The following MAPK8 variants were observed in gnomAD, a reference collection of about 807,000 sequenced individuals.
MAPK8 encodes mitogen-activated protein kinase 8, also known as JUN N-terminal kinase.
In MAPK8, 13 loss-of-function variants were observed where a neutral mutation model predicts 52.9. The ratio of observed to expected loss-of-function variants is 0.25; its 90% CI spans 0.16 to 0.39. The LOEUF (loss-of-function observed/expected upper bound fraction) is 0.39. Ranked by LOEUF, MAPK8 falls within the 10% of genes least tolerant of loss-of-function variation. MAPK8 has a pLI of 1.00. For synonymous variants in MAPK8, 191 were observed against 169.8 expected (o/e 1.12, Z -0.97); for missense variants, 300 against 519.2 (o/e 0.58, Z 4.10).
At chr10:48,355,091 A>ATGTT (rs911286198) in intron 1 of MAPK8, among the ~76,000 whole-genome samples, 1 of 152,266 alleles carries the variant, frequency 6.6e-6, no homozygotes, top group African/African-American at 2.4e-5. Context: ...AGTGTTTCAT[A>ATGTT]TGTTTCAACA....
rs571143403 is a variant in MAPK8, at chr10:48,351,459, C to T, written c.-50+44638C>T. Among the ~76,000 whole-genome samples the T allele has an allele frequency of 5.3e-5, 8 of 151,986 alleles. No individual in the cohort carries two copies. The South Asian group carries it at 8.3e-4, about 16-fold the overall frequency. On this transcript the variant is annotated intron_variant, in intron 1 of 11. Coordinates refer to ENST00000374189, the MANE Select transcript of MAPK8 (RefSeq NM_001323329.2). ...CTGCTGGGCTAAGCGATCCTCCTGC[C>T]TTAGCCTCCCAAAGTGTTGGGATTG...
At chr10:48,380,529 C>T (rs931380282) in intron 1 of MAPK8, among the ~76,000 whole-genome samples, 9 of 150,376 alleles carry the variant, frequency 6.0e-5, no homozygotes, top group African/African-American at 2.2e-4. Context: ...GTCAGGGGTT[C>T]GAGACCAGCC....
intron 1 of MAPK8, among the ~76,000 whole-genome samples, chr10:48,342,662 T>G (rs1845408912): frequency 6.6e-6 from 1 of 152,202 alleles, no homozygotes; most frequent in African/African-American, 2.4e-5. Context: ...AACAGTATAA[T>G]CAACCTGTTG....
intron 1 of MAPK8, among the ~76,000 whole-genome samples, chr10:48,332,382 C>T (rs1844239302): frequency 1.3e-5 from 2 of 152,166 alleles, no homozygotes; most frequent in Non-Finnish European, 2.9e-5. Context: ...TCCCTGTACA[C>T]CCATACCCTG....
chr10:48,339,627 A>G (rs973955518), intron 1 of MAPK8, among the ~76,000 whole-genome samples: 10 of 152,210 alleles, frequency 6.6e-5, no homozygotes, highest in Non-Finnish European at 1.3e-4. Flanking sequence ...CAGGGTAAAC[A>G]GCGTACAGAA....
chr10:48,400,166 T>C (rs1245581909), intron 1 of MAPK8, among the ~76,000 whole-genome samples: 1 of 152,212 alleles, frequency 6.6e-6, no homozygotes, highest in Non-Finnish European at 1.5e-5. Context: ...TTACCAAAGC[T>C]CCTTTCTTTA....
At chr10:48,342,927 A>G (rs1845442453) in intron 1 of MAPK8, among the ~76,000 whole-genome samples, 1 of 152,220 alleles carries the variant, frequency 6.6e-6, no homozygotes, top group African/African-American at 2.4e-5. Flanking sequence ...GAGATTAGCC[A>G]GAGCAAAGGA....
chr10:48,403,097 G>A (rs562081126), intron 2 of MAPK8, among the ~76,000 whole-genome samples: 2 of 152,240 alleles, frequency 1.3e-5, no homozygotes, highest in Admixed American at 1.3e-4. Flanking sequence ...AACTTAGGAT[G>A]TTGTTTATCT....
chr10:48,324,953 G>GTGTTTTTT (rs1186013700), intron 1 of MAPK8, among the ~76,000 whole-genome samples: 1 of 25,422 alleles, frequency 3.9e-5, no homozygotes, highest in Admixed American at 4.5e-4. Context: ...CTTGCAAATG[G>GTGTTTTTT]TGTTTTTTTG....
intron 1 of MAPK8, among the ~76,000 whole-genome samples, chr10:48,318,322 A>G (rs1461466533): frequency 2.0e-5 from 3 of 152,242 alleles, no homozygotes; most frequent in Non-Finnish European, 2.9e-5. Context: ...ACATCTACAA[A>G]ATACCTTCAC....
At chr10:48,322,327 C>T (rs374943291) in intron 1 of MAPK8, among the ~76,000 whole-genome samples, 1 of 133,544 alleles carries the variant, frequency 7.5e-6, no homozygotes, top group African/African-American at 2.8e-5. Flanking sequence ...AAAAAAAAAA[C>T]TTTTTTGAAT....
At chr10:48,414,220 G>A (rs891985160) in intron 5 of MAPK8, among the ~76,000 whole-genome samples, 5 of 151,772 alleles carry the variant, frequency 3.3e-5, no homozygotes, top group Non-Finnish European at 7.4e-5. Flanking sequence ...TCTTTTCAAG[G>A]TTCATTCATG....
At position 48,405,892 on chromosome 10, in the gene MAPK8, GAA is replaced by G. The variant is rs10708093; in HGVS notation, c.252+919_252+920del. Among the ~76,000 whole-genome samples, 7 of 152,098 alleles carry G rather than the reference GAA, an allele frequency of 4.6e-5. No individual in the cohort carries two copies. In the South Asian group the frequency reaches 8.3e-4, roughly 18 times the overall value. ...GGAGTTACTGGGTTCATTATCAAGG[GAA>G]AAAAAAATCATGGAAGTTCAGGATT... On this transcript the variant is annotated intron_variant, in intron 3 of 11. Coordinates refer to ENST00000374189, the MANE Select transcript of MAPK8 (RefSeq NM_001323329.2).
At chr10:48,403,501 T>C (rs1218108204) in intron 2 of MAPK8, among the ~76,000 whole-genome samples, 3 of 152,092 alleles carry the variant, frequency 2.0e-5, no homozygotes, top group African/African-American at 7.2e-5. Context: ...CGTATTAAGA[T>C]TTAATAAATT....
At chr10:48,371,496 G>A (rs929906580) in intron 1 of MAPK8, among the ~76,000 whole-genome samples, 1 of 152,036 alleles carries the variant, frequency 6.6e-6, no homozygotes, top group Non-Finnish European at 1.5e-5. Flanking sequence ...CTGTGTTATA[G>A]TTTATAATTA....
intron 2 of MAPK8, among the ~76,000 whole-genome samples, chr10:48,402,244 G>A (rs1445500889): frequency 1.3e-5 from 2 of 152,138 alleles, no homozygotes; most frequent in East Asian, 1.9e-4. Flanking sequence ...AAATACTTGG[G>A]CATAGCCATT....
In MAPK8 at chr10:48,425,965, G is replaced by A. The variant is rs2043654875; in HGVS notation, c.766G>A (p.Val256Ile). The A allele has an allele frequency of 1.9e-6, 3 of 1,612,902 alleles. No homozygotes were observed. Among genetic ancestry groups the A allele is most frequent in the African/African-American group, 2.7e-5 (2 of 74,998 alleles). The change falls in exon 8 of 12, where the codon GTA (valine) becomes ATA (isoleucine). Residue 256 changes from valine (V) to isoleucine (I), a missense_variant. Around this residue, in one of 3 missense-constraint regions of MAPK8, gnomAD observed 147 missense variants for 328.1 expected, o/e 0.45. Coordinates refer to ENST00000374189, the MANE Select transcript of MAPK8 (RefSeq NM_001323329.2). ...ATTCATGAAGAAACTGCAACCAACA[G>A]TAAGGACTTACGTTGAAAACAGACC... ...PEFMKKLQPT[V>I]RTYVENRPKY... is the part of the protein sequence containing the mutation.
chr10:48,406,671 T>C (rs1393014604), intron 3 of MAPK8, among the ~76,000 whole-genome samples: 8 of 152,248 alleles, frequency 5.3e-5, no homozygotes. Context: ...GTTTTTGTAG[T>C]GTTTTGCCTT....
At chr10:48,376,533 A>G (rs540371277) in intron 1 of MAPK8, among the ~76,000 whole-genome samples, 150 of 152,360 alleles carry the variant, frequency 9.8e-4, no homozygotes, top group Admixed American at 2.3e-3. Context: ...AAACAAATTT[A>G]CAAGAAAAAA....
Sources: gnomAD v4.1 joint callset for allele counts (sites outside exome capture counted in the v4.1 genomes callset) on GRCh38, gnomAD v4.1.1 for gene constraint, gnomAD v4.1.1 regional missense constraint, MANE v1.5 for transcripts, NCBI Gene and HGNC (gene_info 2026-07-23, HGNC 2026-07-21) for gene names.